The following KATNIP variants were observed in gnomAD, a reference collection of about 807,000 sequenced individuals.
KATNIP encodes the protein katanin-interacting protein.
Under a neutral mutation model 174.0 loss-of-function variants are expected in KATNIP, and 126 were observed. That is an observed-to-expected ratio of 0.72 (90% CI 0.63 to 0.84). The LOEUF is 0.84. Among genes scored for constraint, KATNIP ranks in the 40% least tolerant of loss-of-function variants. The pLI is 0.00. For missense variants in KATNIP, 1,958 were observed against 2,109.7 expected (o/e 0.93, Z 1.41); for synonymous variants, 810 against 835.7 (o/e 0.97, Z 0.53).
intron 1 of KATNIP, among the ~76,000 whole-genome samples, chr16:27,553,776 G>T (rs1322290128): frequency 6.6e-6 from 1 of 152,116 alleles, no homozygotes; most frequent in Non-Finnish European, 1.5e-5. Flanking sequence ...GTCAAGACCA[G>T]CCTGGGCAAC....
chr16:27,680,806 T>C (rs2078307802), intron 7 of KATNIP, among the ~76,000 whole-genome samples: 1 of 152,226 alleles, frequency 6.6e-6, no homozygotes. Flanking sequence ...GCAATTCTCA[T>C]GCCTCAGCCT....
chr16:27,585,830 A>G (rs1378674368), intron 2 of KATNIP, among the ~76,000 whole-genome samples: 1 of 152,176 alleles, frequency 6.6e-6, no homozygotes, highest in Admixed American at 6.5e-5. Context: ...GGCTGGGTGC[A>G]GTGGCTCACA....
chr16:27,700,838 A>T (rs1433008508), intron 10 of KATNIP, among the ~76,000 whole-genome samples: 2 of 152,124 alleles, frequency 1.3e-5, no homozygotes, highest in African/African-American at 4.8e-5. Flanking sequence ...TGCTGTTTGC[A>T]TTGCTGCCAC....
Position 27,604,000 on chromosome 16 carries a change from G to A in KATNIP, c.64-14425G>A, listed in dbSNP as rs139208262. 7.3e-3 allele frequency among the ~76,000 whole-genome samples: 1,108 copies of A among 152,216 alleles called. 9 individuals are homozygous for A. Among genetic ancestry groups the A allele is most frequent in the Admixed American group, 0.015 (236 of 15,272 alleles). On this transcript the variant is annotated intron_variant, in intron 2 of 27. Coordinates refer to ENST00000261588, the MANE Select transcript of KATNIP (RefSeq NM_015202.5). The stretch of plus-strand genomic sequence containing the variant: ...GATCCACCTGCCTCGGCCTTCCAAA[G>A]TTTTGGGAATACAAGTGTGAGCCAC...
chr16:27,744,459 T>A (rs949039523), intron 15 of KATNIP, among the ~76,000 whole-genome samples: 2 of 151,952 alleles, frequency 1.3e-5, no homozygotes, highest in African/African-American at 4.8e-5. Flanking sequence ...ACCCAGGCAC[T>A]GAAATGCCTG....
chr16:27,773,001 A>G (rs374251869), intron 22 of KATNIP, 98 bp from the exon 23 acceptor site: 2 of 681,376 alleles, frequency 2.9e-6, no homozygotes, highest in Non-Finnish European at 2.5e-6. Context: ...CTCATTCATC[A>G]ACATAAACCC....
chr16:27,670,173 A>T (rs1421519462), intron 6 of KATNIP, among the ~76,000 whole-genome samples: 4 of 152,208 alleles, frequency 2.6e-5, no homozygotes, highest in African/African-American at 9.7e-5. Flanking sequence ...TGCCATTTTT[A>T]AAAAACTCTA....
rs1225037785 is a variant in KATNIP, at chr16:27,661,935, T to C, written c.540+13200T>C. 1.5e-3 allele frequency among the ~76,000 whole-genome samples: 93 copies of C among 62,362 alleles called. 1 individual carries two copies. Among genetic ancestry groups the C allele is most frequent in the East Asian group, 3.4e-3 (5 of 1,454 alleles). 40.9% of individuals were successfully genotyped at this position (62,362 alleles called of 152,430 possible). ...TAATATATATATATATATATATATA[T>C]ATATATATATATATATATATACACA... On this transcript the variant is annotated intron_variant, in intron 6 of 27. Coordinates refer to ENST00000261588, the MANE Select transcript of KATNIP (RefSeq NM_015202.5).
chr16:27,602,786 C>G (rs1360452222), intron 2 of KATNIP, among the ~76,000 whole-genome samples: 2 of 152,090 alleles, frequency 1.3e-5, no homozygotes, highest in African/African-American at 4.8e-5. Flanking sequence ...GCAACCTCCT[C>G]CTCCTGGGTT....
chr16:27,763,610 G>A (rs1437972898), intron 19 of KATNIP, among the ~76,000 whole-genome samples: 2 of 129,310 alleles, frequency 1.5e-5, no homozygotes, highest in Non-Finnish European at 1.6e-5. Context: ...GCGGGACCCT[G>A]TCTCAACACA....
intron 1 of KATNIP, among the ~76,000 whole-genome samples, chr16:27,558,321 T>C (rs1291358076): frequency 2.6e-5 from 4 of 152,086 alleles, no homozygotes; most frequent in Non-Finnish European, 5.9e-5. Context: ...AATTTTTGTA[T>C]TTTTAGTAGG....
intron 6 of KATNIP, chr16:27,654,477 G>A: frequency 1.4e-6 from 1 of 710,576 alleles, no homozygotes; most frequent in Non-Finnish European, 2.2e-6. Context: ...CACTTTAGGA[G>A]CAAGAGCAGA....
At chr16:27,677,456 A>G (rs891244665) in intron 6 of KATNIP, among the ~76,000 whole-genome samples, 14 of 151,588 alleles carry the variant, frequency 9.2e-5, no homozygotes, top group African/African-American at 3.4e-4. Context: ...TCTCCTTCAC[A>G]TGTGCACTCC....
intron 1 of KATNIP, among the ~76,000 whole-genome samples, chr16:27,573,479 T>G (rs1385889059): frequency 1.3e-5 from 2 of 152,202 alleles, no homozygotes; most frequent in African/African-American, 4.8e-5. Context: ...ATGTGGTGGA[T>G]TTGGGGGTTT....
intron 2 of KATNIP, among the ~76,000 whole-genome samples, chr16:27,597,055 A>T (rs762511494): frequency 1.3e-5 from 2 of 151,992 alleles, no homozygotes; most frequent in Non-Finnish European, 2.9e-5. Context: ...TTAGCTGGTC[A>T]TGATGGTGCG....
chr16:27,585,499 T>C (rs2090861884), intron 2 of KATNIP, among the ~76,000 whole-genome samples: 1 of 152,176 alleles, frequency 6.6e-6, no homozygotes, highest in African/African-American at 2.4e-5. Context: ...CTGTTCATAA[T>C]AGCCAAGACT....
intron 2 of KATNIP, 99 bp downstream of exon 2, chr16:27,574,055 C>G (rs2090401779): frequency 9.6e-7 from 1 of 1,045,106 alleles, no homozygotes; most frequent in Admixed American, 2.0e-5. Flanking sequence ...ATACTCTTTT[C>G]TCTTGGGGTC....
intron 15 of KATNIP, among the ~76,000 whole-genome samples, chr16:27,748,168 G>A (rs1177488647): frequency 2.0e-5 from 3 of 152,228 alleles, no homozygotes; most frequent in African/African-American, 7.2e-5. Flanking sequence ...TCCATAAGGA[G>A]CGTGGGGCCT....
At chr16:27,572,302 T>A (rs562787965) in intron 1 of KATNIP, among the ~76,000 whole-genome samples, 14 of 150,700 alleles carry the variant, frequency 9.3e-5, no homozygotes, top group African/African-American at 3.2e-4. Context: ...CAGTGGTACA[T>A]TATGCTGGTC....
Sources: allele counts gnomAD v4.1 joint callset (sites outside exome capture counted in the v4.1 genomes callset), GRCh38; gene constraint gnomAD v4.1.1; transcripts MANE v1.5; gene names NCBI Gene and HGNC (gene_info 2026-07-23, HGNC 2026-07-21).